The following C12orf42 variants were observed in gnomAD, a reference collection of about 807,000 sequenced individuals.
The protein encoded by C12orf42 is chromosome 12 open reading frame 42, also known as uncharacterized protein C12orf42.
Under a neutral mutation model 21.6 loss-of-function variants are expected in C12orf42, and 25 were observed. The observed-to-expected ratio is 1.16, with a 90% confidence interval of 0.84 to 1.62. The LOEUF (loss-of-function observed/expected upper bound fraction) is 1.62, where lower values mean the gene tolerates loss of function less well. C12orf42 is among the 40% of genes most tolerant of loss of function. C12orf42 has a pLI of 0.00. For synonymous variants in C12orf42, 174 were observed against 175.0 expected, an observed-to-expected ratio of 0.99 and a Z score of 0.05; for missense variants, 483 against 459.3, an observed-to-expected ratio of 1.05 and a Z score of -0.47.
intron 3 of C12orf42, among the ~76,000 whole-genome samples, chr12:103,369,284 A>G (rs926659516): frequency 2.6e-5 from 4 of 152,114 alleles, no homozygotes; most frequent in Non-Finnish European, 4.4e-5. Flanking sequence ...ATTATTCTAG[A>G]CAGTGGGGAT....
the C12orf42 span, chr12:103,080,921 A>G: frequency 1.3e-5 from 2 of 152,176 alleles, no homozygotes; most frequent in African/African-American, 4.8e-5. Flanking sequence ...AAGTCACATG[A>G]CTAGTAATTG....
At chr12:103,472,111 G>A (rs1374920253) in intron 2 of C12orf42, 6 of 129,612 alleles carry the variant, frequency 4.6e-5, no homozygotes, top group African/African-American at 1.5e-4. Context: ...CTGGAGTGCA[G>A]TGGTGTGATC....
chr12:103,310,252 C>T (rs2038839201), intron 4 of C12orf42, among the ~76,000 whole-genome samples: 1 of 151,746 alleles, frequency 6.6e-6, no homozygotes, highest in Non-Finnish European at 1.5e-5. Flanking sequence ...CCCTTCTCCC[C>T]TACTCTCTCT....
rs1379827410 is a variant in C12orf42, at chr12:103,306,132, G to C, written c.473C>G (p.Pro158Arg). 1 of 1,613,890 alleles carries C rather than the reference G, an allele frequency of 6.2e-7. No individual in the cohort carries two copies. Among genetic ancestry groups the C allele is most frequent in the Non-Finnish European group, 8.5e-7 (1 of 1,179,846 alleles). ...AAATGAACTGTTCCAAGCCTGCTTG[G>C]GTGCTCCTCTGGCTCTCTCCTCAGT... ...GETEERARGA[P>R]KQAWNSSFLE... The change falls in exon 5 of 6, where the codon CCC (proline) becomes CGC (arginine). Residue 158 changes from proline (P) to arginine (R), a missense_variant. Transcript: ENST00000548883.
intron 4 of C12orf42, among the ~76,000 whole-genome samples, chr12:103,341,796 C>T (rs2042194662): frequency 6.6e-6 from 1 of 151,946 alleles, no homozygotes. Flanking sequence ...AAAAAGAAAG[C>T]CCACAGTAAC....
At chr12:103,524,386 G>A in the C12orf42 span, among the ~76,000 whole-genome samples, 4 of 152,086 alleles carry the variant, frequency 2.6e-5, no homozygotes, top group Admixed American at 6.5e-5. Context: ...GCACACAGAG[G>A]TGGCAAAAAA....
At chr12:103,253,199 G>C (rs563040167) in intron 10 of C12orf42, among the ~76,000 whole-genome samples, 1 of 152,096 alleles carries the variant, frequency 6.6e-6, no homozygotes, top group Non-Finnish European at 1.5e-5. Context: ...TGCTGTTTTC[G>C]TTACTGTAGC....
chr12:103,075,259 A>G, the C12orf42 span, among the ~76,000 whole-genome samples: 20 of 152,288 alleles, frequency 1.3e-4, no homozygotes, highest in African/African-American at 4.1e-4. Flanking sequence ...TTGCTGTTAG[A>G]TATTACTTTT....
intron 3 of C12orf42, among the ~76,000 whole-genome samples, chr12:103,376,150 C>T (rs1433353297): frequency 2.6e-5 from 4 of 152,080 alleles, no homozygotes; most frequent in Non-Finnish European, 5.9e-5. Context: ...AGACTTGGAA[C>T]CAACCAAAAT....
chr12:103,318,493 CCTTGCCAACA>C (rs2039759222), intron 4 of C12orf42, among the ~76,000 whole-genome samples: 1 of 152,158 alleles, frequency 6.6e-6, no homozygotes, highest in Non-Finnish European at 1.5e-5. Flanking sequence ...TGTTCCATAT[CCTTGCCAACA>C]CTTGCTATTA....
At chr12:103,542,515 C>T in the C12orf42 span, among the ~76,000 whole-genome samples, 3 of 152,234 alleles carry the variant, frequency 2.0e-5, no homozygotes, top group African/African-American at 7.2e-5. Context: ...AGGCTACAGA[C>T]TGAAACCCTT....
chr12:103,465,471 G>A (rs545894021), intron 2 of C12orf42, among the ~76,000 whole-genome samples: 10 of 152,328 alleles, frequency 6.6e-5, no homozygotes, highest in Admixed American at 3.3e-4. Context: ...CTTTGCTGAA[G>A]TTGCTTATCA....
chr12:103,101,582 ACAT>A, the C12orf42 span, among the ~76,000 whole-genome samples: 1 of 152,238 alleles, frequency 6.6e-6, no homozygotes, highest in Non-Finnish European at 1.5e-5. Flanking sequence ...TCTATCTAGA[ACAT>A]CATCCGCTCT....
chr12:103,173,951 A>T, the C12orf42 span, among the ~76,000 whole-genome samples: 1 of 152,178 alleles, frequency 6.6e-6, no homozygotes, highest in South Asian at 2.1e-4. Context: ...TAAACATAGA[A>T]GACAAGGTGT....
chr12:103,479,639 T>C (rs1344515513), intron 1 of C12orf42, among the ~76,000 whole-genome samples: 1 of 152,046 alleles, frequency 6.6e-6, no homozygotes, highest in African/African-American at 2.4e-5. Context: ...AAGTTTTTGG[T>C]TTTAAATTAG....
rs2045898568 is a variant in C12orf42 at position 103,378,496 on chromosome 12, C to A, written c.148-9498G>T. On this transcript the variant is annotated intron_variant, in intron 3 of 5. Coordinates refer to ENST00000548883, the MANE Select transcript of C12orf42 (RefSeq NM_198521.5). ...TCACTATCCCCATCCAAGGCAAATCCTGGACCCCATGAGGAATCACTTAAG... is the reference window on the plus strand; with the variant it reads ...TCACTATCCCCATCCAAGGCAAATCATGGACCCCATGAGGAATCACTTAAG... 2.0e-5 allele frequency among the ~76,000 whole-genome samples: 3 copies of A among 152,142 alleles called. No homozygotes were observed. The South Asian group carries it at 6.2e-4, about 31-fold the overall frequency.
Position 103,292,097 on chromosome 12 carries a change from G to A in C12orf42, n.338-14887C>T, listed in dbSNP as rs529721876. On this transcript the variant is annotated intron_variant and non_coding_transcript_variant, in intron 4 of 6. Transcript: ENST00000546526. ...AATATTATTTGGCCATTAAAAAGAA[G>A]GAAGCACTGGCATGCAATATGATAT... Among the ~76,000 whole-genome samples, 37 of 152,240 alleles carry A rather than the reference G, an allele frequency of 2.4e-4. No homozygotes were observed. In the South Asian group the frequency reaches 2.5e-3, roughly 10 times the overall value.
intron 10 of C12orf42, among the ~76,000 whole-genome samples, chr12:103,239,281 T>C (rs1265356678): frequency 6.6e-5 from 10 of 152,202 alleles, no homozygotes; most frequent in Non-Finnish European, 2.9e-5. Flanking sequence ...GTTGTCATCA[T>C]CATGATCACC....
chr12:103,468,862 C>T (rs969852104), intron 2 of C12orf42, among the ~76,000 whole-genome samples: 1 of 152,176 alleles, frequency 6.6e-6, no homozygotes, highest in Admixed American at 6.5e-5. Context: ...CTTTAAGAGA[C>T]ATTTGTGCTG....
Sources: gnomAD v4.1 joint callset for allele counts (sites outside exome capture counted in the v4.1 genomes callset) on GRCh38, gnomAD v4.1.1 for gene constraint, MANE v1.5 for transcripts, NCBI Gene and HGNC (gene_info 2026-07-23, HGNC 2026-07-21) for gene names.